USP30: variants seen among roughly 807,000 people sequenced by gnomAD.
USP30 encodes the protein ubiquitin carboxyl-terminal hydrolase 30.
In USP30, 41 loss-of-function variants were observed where a neutral mutation model predicts 68.2. That is an observed-to-expected ratio of 0.60 (90% CI 0.47 to 0.78). USP30 has a LOEUF of 0.78. Ranked by LOEUF, USP30 falls within the 30% of genes least tolerant of loss-of-function variation. The pLI, the probability that USP30 is intolerant of heterozygous loss-of-function variation, is 0.00. For synonymous variants in USP30, 229 were observed against 253.7 expected, an observed-to-expected ratio of 0.90 and a Z score of 0.93; for missense variants, 522 against 649.4, an observed-to-expected ratio of 0.80 and a Z score of 2.13.
chr12:109,045,168 G>A (rs1011799356), intron 3 of USP30, among the ~76,000 whole-genome samples: 3 of 151,818 alleles, frequency 2.0e-5, no homozygotes, highest in Admixed American at 6.6e-5. Context: ...TAGTAGAGAC[G>A]GGGTTTCACC....
intron 1 of USP30, among the ~76,000 whole-genome samples, chr12:109,055,056 CAT>C (rs1441848883): frequency 6.6e-6 from 1 of 151,800 alleles, no homozygotes; most frequent in Admixed American, 6.6e-5. Flanking sequence ...GCATGTGTAA[CAT>C]ATATGCAGAT....
chr12:109,063,133 T>G (rs1404271833), intron 3 of USP30, among the ~76,000 whole-genome samples: 1 of 152,052 alleles, frequency 6.6e-6, no homozygotes, highest in Non-Finnish European at 1.5e-5. Context: ...AAAGTCTCAT[T>G]CTGTCACCCA....
chr12:109,031,748 A>G (rs1267756303), intron 3 of USP30, among the ~76,000 whole-genome samples: 1 of 152,254 alleles, frequency 6.6e-6, no homozygotes, highest in Admixed American at 6.5e-5. Flanking sequence ...TAAGCCAGTA[A>G]CAACAAAAAA....
Position 109,071,678 on chromosome 12 carries a change from G to T in USP30, c.547G>T (p.Val183Phe), listed in dbSNP as rs749760649. Reference sequence around the variant, plus strand: ...AGATGAGCGAGACCGCCAGCCTCGGGTCACACATTTGTTTGATGTGCATTC... The same window carrying T: ...AGATGAGCGAGACCGCCAGCCTCGGTTCACACATTTGTTTGATGTGCATTC... ...LEDERDRQPR[V>F]THLFDVHSLE... Residue 183 changes from valine (V) to phenylalanine (F), a missense_variant, in exon 5 of 13, where the codon GTC (valine) becomes TTC (phenylalanine). Coordinates refer to ENST00000257548, the MANE Select transcript of USP30 (RefSeq NM_032663.5). The T allele has an allele frequency of 3.7e-6, 6 of 1,614,154 alleles. No individual in the cohort carries two copies. Among genetic ancestry groups the T allele is most frequent in the South Asian group, 3.3e-5 (3 of 91,088 alleles).
chr12:109,055,433 C>A (rs573463845), intron 1 of USP30, among the ~76,000 whole-genome samples: 1 of 56,554 alleles, frequency 1.8e-5, no homozygotes, highest in Non-Finnish European at 4.0e-5. Flanking sequence ...GGCAGAGTCT[C>A]GCTCAGTCAC....
At chr12:109,027,465 A>G (rs1435075422) in exon 3 of USP30, 1 of 152,018 alleles carries the variant, frequency 6.6e-6, no homozygotes, top group African/African-American at 2.4e-5. Context: ...TTTTCTGTAG[A>G]GACAGAGTCT....
At position 109,074,084 on chromosome 12, in the gene USP30, G is replaced by C. The variant is rs569698854; in HGVS notation, c.720+552G>C. Among the ~76,000 whole-genome samples, 11 of 152,212 alleles carry C rather than the reference G, an allele frequency of 7.2e-5. No homozygotes were observed. In the South Asian group the frequency reaches 2.1e-3, roughly 29 times the overall value. On this transcript the variant is annotated intron_variant, in intron 7 of 12. Coordinates refer to ENST00000257548, the MANE Select transcript of USP30 (RefSeq NM_032663.5). Reference sequence around the variant, plus strand: ...CCATGAATCTACCTCTGTCTCTATGGATTTGCATATTCTGGATGCTTCATA... The same window carrying C: ...CCATGAATCTACCTCTGTCTCTATGCATTTGCATATTCTGGATGCTTCATA...
intron 11 of USP30, among the ~76,000 whole-genome samples, chr12:109,084,676 C>T (rs2041897404): frequency 6.6e-6 from 1 of 152,226 alleles, no homozygotes; most frequent in Non-Finnish European, 1.5e-5. Context: ...AACTTTGATA[C>T]ATGGCATTAG....
At chr12:109,032,091 G>C (rs1024501371) in intron 3 of USP30, among the ~76,000 whole-genome samples, 6 of 93,444 alleles carry the variant, frequency 6.4e-5, no homozygotes, top group Non-Finnish European at 1.3e-4. Context: ...GGCAGAGTGA[G>C]ACTCTGTCAA....
In USP30 at chr12:109,083,363, T is replaced by G. The variant is rs1292949171; in HGVS notation, c.1168+301T>G. On this transcript the variant is annotated intron_variant, in intron 11 of 12. Coordinates refer to ENST00000257548, the MANE Select transcript of USP30 (RefSeq NM_032663.5). ...TCCGCTAAATGATATAATCATTGGC[T>G]CACATCATTCCAGTGAATTTCTTTT... Among the ~76,000 whole-genome samples the G allele has an allele frequency of 2.6e-5, 4 of 152,350 alleles. 1 individual carries two copies. The South Asian group carries it at 8.3e-4, about 32-fold the overall frequency.
At chr12:109,023,231 A>G (rs370481664) in intron 1 of USP30, 20 of 152,282 alleles carry the variant, frequency 1.3e-4, no homozygotes, top group East Asian at 9.7e-4. Context: ...CTAGGGCTCT[A>G]TGAATATTCA....
intron 8 of USP30, chr12:109,081,697 A>G (rs925765788): frequency 6.6e-6 from 4 of 608,066 alleles, no homozygotes; most frequent in Admixed American, 3.0e-5. Context: ...TACCTAAAAC[A>G]GCGTGGAAGT....
At position 109,086,385 on chromosome 12, in the gene USP30, G is replaced by C. The variant is rs1364137257; in HGVS notation, c.*454G>C. On this transcript the variant is annotated 3_prime_UTR_variant, in exon 13 of 13. Transcript: ENST00000257548. ...AAGGCAACAATTTAGAAGAAAAAGT[G>C]CCTTTCACTTTCGATTGCTTTTGTA... 1.3e-5 allele frequency: 2 copies of C among 157,340 alleles called. No homozygotes were observed. Among genetic ancestry groups the C allele is most frequent in the Non-Finnish European group, 2.8e-5 (2 of 71,262 alleles). The allele number at this position is 157,340 out of a possible 1,614,324, so 9.7% of individuals were successfully genotyped here. A position where few individuals can be genotyped will look rare whatever the true frequency, so the allele number is the denominator to read the frequency against.
At chr12:109,065,482 C>T (rs1443289837) in intron 3 of USP30, among the ~76,000 whole-genome samples, 1 of 152,196 alleles carries the variant, frequency 6.6e-6, no homozygotes, top group African/African-American at 2.4e-5. Context: ...TGTCTGGGGA[C>T]ACACAAATCC....
At chr12:109,050,556 C>G (rs2040650573), upstream of USP30, among the ~76,000 whole-genome samples, 1 of 152,096 alleles carries the variant, frequency 6.6e-6, no homozygotes, top group African/African-American at 2.4e-5. Context: ...ATTACTCAGT[C>G]TGGAGTCGGA....
chr12:109,034,658 G>A (rs979660442), intron 3 of USP30, among the ~76,000 whole-genome samples: 11 of 152,168 alleles, frequency 7.2e-5, no homozygotes, highest in African/African-American at 2.2e-4. Context: ...TGTTGTTCAC[G>A]TCTGCTATTT....
upstream of USP30, among the ~76,000 whole-genome samples, chr12:109,050,023 C>T (rs1315155832): frequency 3.3e-5 from 5 of 152,066 alleles, no homozygotes; most frequent in Non-Finnish European, 7.4e-5. Context: ...GGGCGGGGCA[C>T]GGTGGCTCAC....
chr12:109,032,903 T>A (rs956471471), intron 3 of USP30, among the ~76,000 whole-genome samples: 14 of 152,136 alleles, frequency 9.2e-5, no homozygotes, highest in Non-Finnish European at 1.9e-4. Context: ...ATTTCCCCCC[T>A]CAGATTCTTA....
intron 3 of USP30, among the ~76,000 whole-genome samples, chr12:109,036,932 A>G (rs1250536271): frequency 6.6e-6 from 1 of 151,908 alleles, no homozygotes; most frequent in Non-Finnish European, 1.5e-5. Context: ...CTTGGAGTTC[A>G]TTGAGCTTCT....
Sources: allele counts gnomAD v4.1 joint callset (sites outside exome capture counted in the v4.1 genomes callset), GRCh38; gene constraint gnomAD v4.1.1; transcripts MANE v1.5; gene names NCBI Gene and HGNC (gene_info 2026-07-23, HGNC 2026-07-21).